NPAT: variants seen among roughly 807,000 people sequenced by gnomAD.
The protein encoded by NPAT is nuclear protein, coactivator of histone transcription.
In NPAT, 52 loss-of-function variants were observed where a neutral mutation model predicts 130.7. The ratio of observed to expected loss-of-function variants is 0.40; its 90% confidence interval spans 0.32 to 0.50. NPAT has a LOEUF of 0.50. Ranked by LOEUF, NPAT falls within the 20% of genes least tolerant of loss-of-function variation. The pLI is 0.68. For synonymous variants in NPAT, 580 were observed against 584.8 expected, an observed-to-expected ratio of 0.99 and a Z score of 0.12; for missense variants, 1,687 against 1,662.6, an observed-to-expected ratio of 1.01 and a Z score of -0.26.
At chr11:108,201,541 C>T (rs964022461) in intron 1 of NPAT, among the ~76,000 whole-genome samples, 2 of 152,186 alleles carry the variant, frequency 1.3e-5, no homozygotes, top group Admixed American at 6.5e-5. Flanking sequence ...GCCCAAGGTC[C>T]AGCCCAGAAA....
At chr11:108,206,291 A>G (rs2078324629) in intron 1 of NPAT, among the ~76,000 whole-genome samples, 1 of 152,060 alleles carries the variant, frequency 6.6e-6, no homozygotes, top group South Asian at 2.1e-4. Flanking sequence ...GAGTTTTGCT[A>G]GGGCCTGCTG....
chr11:108,197,612 C>T (rs1454287280), intron 1 of NPAT, among the ~76,000 whole-genome samples, 192 bp from the exon 2 acceptor site: 1 of 152,118 alleles, frequency 6.6e-6, no homozygotes, highest in Non-Finnish European at 1.5e-5. Context: ...GAACAGGTGG[C>T]CCTTTCACAA....
At chr11:108,181,391 G>A (rs2078056842) in intron 10 of NPAT, among the ~76,000 whole-genome samples, 1 of 152,080 alleles carries the variant, frequency 6.6e-6, no homozygotes, top group Admixed American at 6.5e-5. Flanking sequence ...CTTGAACCTG[G>A]GAGGCAGAGA....
At chr11:108,168,935 A>T (rs2077925160) in intron 15 of NPAT, among the ~76,000 whole-genome samples, 1 of 152,170 alleles carries the variant, frequency 6.6e-6, no homozygotes, top group Non-Finnish European at 1.5e-5. Flanking sequence ...CACCCTGAGA[A>T]ATTTCAATTT....
At position 108,160,419 on chromosome 11, in the gene NPAT, GA is replaced by G. The variant is rs34628275; in HGVS notation, c.4206+460del. 2.9e-4 allele frequency among the ~76,000 whole-genome samples: 43 copies of G among 148,096 alleles called. No homozygotes were observed. The South Asian group carries it at 3.2e-3, about 11-fold the overall frequency. On this transcript the variant is annotated intron_variant, in intron 17 of 17. Coordinates refer to ENST00000278612, the MANE Select transcript of NPAT (RefSeq NM_002519.3). ...ATGGAAGAGATTACAAGACGTGGGGGAAAAAAAAAACTGAACATCTAAGAAC... is the reference window on the plus strand; with the variant it reads ...ATGGAAGAGATTACAAGACGTGGGGGAAAAAAAAACTGAACATCTAAGAAC...
In NPAT at chr11:108,189,305, T is replaced by C; in HGVS notation, c.357A>G (p.Glu119=). 6.2e-7 allele frequency: 1 copy of C among 1,614,200 alleles called. No individual in the cohort carries two copies. Among genetic ancestry groups the C allele is most frequent in the Non-Finnish European group, 8.5e-7 (1 of 1,180,038 alleles). Residue 119 remains glutamate, a synonymous_variant, in exon 6 of 18, where the codon GAA becomes GAG. Transcript: ENST00000278612. ...ATGCAAGCTTTCTCTGCCGTTTGAT[T>C]TCTGCAATTCCAGTTCTCGTTCGGG... is the stretch of plus-strand genomic sequence containing the variant. The part of the protein sequence containing the change: ...QRARTRTGIA[E]IKRQRKLASQ...
intron 1 of NPAT, among the ~76,000 whole-genome samples, chr11:108,202,600 T>C (rs565990300): frequency 6.6e-6 from 1 of 152,226 alleles, no homozygotes; most frequent in African/African-American, 2.4e-5. Context: ...AACCTATCAA[T>C]TGGCCCAAAT....
At chr11:108,167,705 G>A (rs1394469838) in intron 15 of NPAT, among the ~76,000 whole-genome samples, 1 of 152,150 alleles carries the variant, frequency 6.6e-6, no homozygotes, top group African/African-American at 2.4e-5. Flanking sequence ...AGCTTTAAAG[G>A]GAACCCATGA....
At chr11:108,167,693 A>T (rs921304280) in intron 15 of NPAT, among the ~76,000 whole-genome samples, 4 of 152,216 alleles carry the variant, frequency 2.6e-5, no homozygotes, top group African/African-American at 9.6e-5. Flanking sequence ...TGTGTTATTC[A>T]CAGCTTTAAA....
intron 8 of NPAT, 108 bp downstream of exon 8, chr11:108,186,374 C>A: frequency 1.2e-6 from 1 of 810,918 alleles, no homozygotes; most frequent in Non-Finnish European, 2.1e-6. Context: ...TATAAACTTA[C>A]TCCTGTTTCT....
At chr11:108,214,522 T>C (rs559733748) in intron 1 of NPAT, among the ~76,000 whole-genome samples, 1 of 152,134 alleles carries the variant, frequency 6.6e-6, no homozygotes, top group Non-Finnish European at 1.5e-5. Context: ...ACTGGTGATA[T>C]CTGCACATTA....
rs1165780108 is a variant in NPAT, at chr11:108,160,922, A to G, written c.4164T>C (p.Asn1388=). ...TCATTGGTATTGATGAATTTGTAAG[A>G]TTTTTACTAGAAGGACGAGAGTTTC... ...RERNSRPSSK[N]LTNSSIPMKK... is the part of the protein sequence containing the mutation. Residue 1388 remains asparagine, a synonymous_variant, in exon 17 of 18, where the codon AAT becomes AAC. Transcript: ENST00000278612. 67 of 1,613,940 alleles carry G rather than the reference A, an allele frequency of 4.2e-5. 1 individual carries two copies. In the Admixed American group the frequency reaches 1.1e-3, roughly 26 times the overall value.
At chr11:108,171,540 A>G (rs1242837349) in intron 13 of NPAT, 4 of 150,814 alleles carry the variant, frequency 2.7e-5, no homozygotes, top group African/African-American at 9.8e-5. Flanking sequence ...GCTGAAGTGC[A>G]ATGGCATGAT....
chr11:108,157,546 A>G lies in NPAT; in HGVS notation c.*1396T>C, dbSNP rs1448366657. 1 of 152,124 alleles carries G rather than the reference A, an allele frequency of 6.6e-6. No homozygotes were observed. Among genetic ancestry groups the G allele is most frequent in the African/African-American group, 2.4e-5 (1 of 41,460 alleles). 9.4% of individuals were successfully genotyped at this position (152,124 alleles called of 1,614,324 possible). On this transcript the variant is annotated 3_prime_UTR_variant, in exon 18 of 18. Transcript: ENST00000278612. Reference sequence around the variant, plus strand: ...ATCACAAGTTTTTGCAGTAAGGTTCAGCAATTAAGAAGACATGATTTCTAC... The same window carrying G: ...ATCACAAGTTTTTGCAGTAAGGTTCGGCAATTAAGAAGACATGATTTCTAC...
intron 1 of NPAT, 134 bp downstream of exon 1, chr11:108,222,366 A>G: frequency 1.1e-6 from 1 of 887,576 alleles, no homozygotes; most frequent in Non-Finnish European, 1.8e-6. Flanking sequence ...ACGAAGAATC[A>G]CCGCCAGTCT....
At chr11:108,194,089 T>C (rs918896394) in intron 2 of NPAT, 72 bp from the exon 3 acceptor site, 1 of 844,306 alleles carries the variant, frequency 1.2e-6, no homozygotes, top group African/African-American at 1.7e-5. Context: ...GAAAAGATTC[T>C]ACCATTCAAC....
chr11:108,200,683 T>C (rs755074524), intron 1 of NPAT, among the ~76,000 whole-genome samples: 6 of 152,120 alleles, frequency 3.9e-5, no homozygotes, highest in Non-Finnish European at 7.4e-5. Context: ...AGGGCTTCCT[T>C]AAACCCTGCA....
At chr11:108,178,726 C>T (rs1218686954) in intron 10 of NPAT, among the ~76,000 whole-genome samples, 50 of 151,978 alleles carry the variant, frequency 3.3e-4, no homozygotes, top group African/African-American at 1.1e-3. Context: ...GGTGTGGTGG[C>T]GCATGCCTGT....
chr11:108,170,280 G>A, intron 13 of NPAT: 1 of 469,526 alleles, frequency 2.1e-6, no homozygotes, highest in South Asian at 2.1e-5. Flanking sequence ...AAATATTAAG[G>A]TGGTCTTAAT....
Sources: allele counts gnomAD v4.1 joint callset (sites outside exome capture counted in the v4.1 genomes callset), GRCh38; gene constraint gnomAD v4.1.1; transcripts MANE v1.5; gene names NCBI Gene and HGNC (gene_info 2026-07-23, HGNC 2026-07-21).